The following LRRC4C variants were observed in gnomAD, a reference collection of about 807,000 sequenced individuals.
LRRC4C encodes the protein leucine rich repeat containing 4C, also known as leucine-rich repeat-containing protein 4C.
LRRC4C carries 5 observed loss-of-function variants against 33.6 expected under a neutral mutation model. That is an observed-to-expected ratio of 0.15 (90% CI 0.08 to 0.31). The LOEUF is 0.31. Ranked by LOEUF, LRRC4C falls within the 10% of genes least tolerant of loss-of-function variation. The pLI, the probability that LRRC4C is intolerant of heterozygous loss-of-function variation, is 1.00. For missense variants in LRRC4C, 560 were observed against 796.7 expected, an observed-to-expected ratio of 0.70 and a Z score of 3.58; for synonymous variants, 329 against 302.0, an observed-to-expected ratio of 1.09 and a Z score of -0.93.
intron 2 of LRRC4C, among the ~76,000 whole-genome samples, chr11:40,775,599 G>A (rs887188676): frequency 6.6e-6 from 1 of 152,124 alleles, no homozygotes; most frequent in African/African-American, 2.4e-5. Flanking sequence ...GATGCATGGA[G>A]ATGCTACTGA....
rs552301793 is a variant in LRRC4C at position 40,300,380 on chromosome 11, T to G, written c.-176+19248A>C. On this transcript the variant is annotated intron_variant, in intron 4 of 6. Coordinates refer to ENST00000528697, the MANE Select transcript of LRRC4C (RefSeq NM_001258419.2). ...AGTTGATGATTGCAGAATTGCCCAT[T>G]TGGCAGCCAGAGGACAAAGAACAAA... is the stretch of plus-strand genomic sequence containing the variant. Among the ~76,000 whole-genome samples the G allele has an allele frequency of 2.6e-5, 4 of 152,292 alleles. No homozygotes were observed. In the South Asian group the frequency reaches 8.3e-4, roughly 32 times the overall value.
chr11:40,438,480 G>T (rs1951240100), intron 3 of LRRC4C, among the ~76,000 whole-genome samples: 2 of 152,134 alleles, frequency 1.3e-5, no homozygotes, highest in Admixed American at 6.5e-5. Context: ...CTAGAATTTA[G>T]CCTCCAGGAG....
chr11:40,524,473 A>G (rs1174875496), intron 3 of LRRC4C, among the ~76,000 whole-genome samples: 1 of 152,200 alleles, frequency 6.6e-6, no homozygotes. Flanking sequence ...AATAAACTTT[A>G]GTATAAAATT....
chr11:41,040,793 C>G (rs576615889), intron 1 of LRRC4C, among the ~76,000 whole-genome samples: 118 of 152,290 alleles, frequency 7.7e-4, no homozygotes, highest in African/African-American at 2.6e-3. Flanking sequence ...AATATTCCAA[C>G]TGATTAAATA....
rs560306144 is a variant in LRRC4C at position 41,411,651 on chromosome 11, C to T, written c.-496+47780G>A. ...CAGGTCCTCAAATAACATTGTTTTT[C>T]TCAACATCCTTTCTTTATAAAGTTG... is the stretch of plus-strand genomic sequence containing the variant. On this transcript the variant is annotated intron_variant, in intron 1 of 6. Transcript: ENST00000528697. Among the ~76,000 whole-genome samples, 17 of 152,282 alleles carry T rather than the reference C, an allele frequency of 1.1e-4. No individual in the cohort carries two copies. In the South Asian group the frequency reaches 3.5e-3, roughly 32 times the overall value.
chr11:40,597,821 C>T (rs984259465), intron 3 of LRRC4C, among the ~76,000 whole-genome samples: 6 of 152,000 alleles, frequency 3.9e-5, no homozygotes, highest in Non-Finnish European at 5.9e-5. Context: ...AATACAGTAA[C>T]GAAAAGGGAT....
rs374853177 is a variant in LRRC4C at position 40,205,568 on chromosome 11, C to T, written c.-96+35951G>A. Among the ~76,000 whole-genome samples, 39 of 152,194 alleles carry T rather than the reference C, an allele frequency of 2.6e-4. 1 individual carries two copies. The East Asian group carries it at 5.4e-3, about 21-fold the overall frequency. ...TTTATTTTAAAAATTCTATTTTTCT[C>T]CTGCAGACTTTGCTATATATACTCA... On this transcript the variant is annotated intron_variant, in intron 5 of 6. Transcript: ENST00000528697.
At chr11:40,953,252 C>T (rs774479111) in intron 1 of LRRC4C, among the ~76,000 whole-genome samples, 10 of 151,810 alleles carry the variant, frequency 6.6e-5, no homozygotes, top group East Asian at 1.9e-4. Context: ...AATAATTATT[C>T]GATCTGCAGA....
At chr11:40,523,131 A>T (rs1565471372) in intron 3 of LRRC4C, among the ~76,000 whole-genome samples, 1 of 152,222 alleles carries the variant, frequency 6.6e-6, no homozygotes, top group African/African-American at 2.4e-5. Flanking sequence ...TTGTTTTAAC[A>T]GTAGATAAAC....
chr11:40,686,997 T>G (rs575649497), intron 2 of LRRC4C, among the ~76,000 whole-genome samples: 1 of 152,220 alleles, frequency 6.6e-6, no homozygotes, highest in African/African-American at 2.4e-5. Context: ...ACTTGCACTT[T>G]CGTTAGCTAA....
chr11:41,045,954 C>G (rs1337360432), intron 1 of LRRC4C, among the ~76,000 whole-genome samples: 3 of 152,120 alleles, frequency 2.0e-5, no homozygotes, highest in African/African-American at 4.8e-5. Context: ...TACACAATTC[C>G]ATGTGCATTT....
At chr11:41,220,445 G>A (rs1351128819) in intron 1 of LRRC4C, among the ~76,000 whole-genome samples, 1 of 151,106 alleles carries the variant, frequency 6.6e-6, no homozygotes, top group Admixed American at 6.6e-5. Flanking sequence ...TTTTTGGCGG[G>A]GGGGTGTTAT....
chr11:40,888,942 T>G (rs563980781), intron 2 of LRRC4C, among the ~76,000 whole-genome samples: 1 of 151,984 alleles, frequency 6.6e-6, no homozygotes, highest in Non-Finnish European at 1.5e-5. Flanking sequence ...TATCGTTATT[T>G]AAGGCAATGA....
chr11:41,352,801 A>G (rs550841514), intron 1 of LRRC4C, among the ~76,000 whole-genome samples: 35 of 152,276 alleles, frequency 2.3e-4, no homozygotes, highest in African/African-American at 7.5e-4. Flanking sequence ...TAAGTCAGAG[A>G]TAATAAAAAA....
chr11:41,265,010 G>T (rs1949102371), intron 1 of LRRC4C, among the ~76,000 whole-genome samples: 1 of 152,100 alleles, frequency 6.6e-6, no homozygotes, highest in South Asian at 2.1e-4. Flanking sequence ...AGTAAATATT[G>T]TGAGGGTAAG....
chr11:41,392,620 T>C (rs79566336), intron 1 of LRRC4C, among the ~76,000 whole-genome samples: 2,879 of 151,348 alleles, frequency 0.019, 91 homozygotes, highest in African/African-American at 0.067. Flanking sequence ...GGGAATAATA[T>C]CTTTGTAGAT....
intron 2 of LRRC4C, among the ~76,000 whole-genome samples, chr11:40,671,081 G>A (rs974011580): frequency 2.0e-5 from 3 of 152,154 alleles, no homozygotes. Context: ...CCATTTTTAT[G>A]AGCACAAATT....
At chr11:40,496,233 G>T (rs1255230414) in intron 3 of LRRC4C, among the ~76,000 whole-genome samples, 1 of 151,634 alleles carries the variant, frequency 6.6e-6, no homozygotes, top group Non-Finnish European at 1.5e-5. Context: ...TTTAGATTTG[G>T]TTACTCAGCT....
At chr11:41,224,603 C>A (rs1231932082) in intron 1 of LRRC4C, among the ~76,000 whole-genome samples, 1 of 152,176 alleles carries the variant, frequency 6.6e-6, no homozygotes, top group Non-Finnish European at 1.5e-5. Flanking sequence ...GATCCAATGA[C>A]TCCTTTAATC....
Sources: allele counts gnomAD v4.1 joint callset (sites outside exome capture counted in the v4.1 genomes callset), GRCh38; gene constraint gnomAD v4.1.1; transcripts MANE v1.5; gene names NCBI Gene and HGNC (gene_info 2026-07-23, HGNC 2026-07-21).